Variants in C10orf90 observed in about 807,000 individuals in gnomAD.
C10orf90 encodes (E2-independent) E3 ubiquitin-conjugating enzyme FATS.
Under a neutral mutation model 62.5 loss-of-function variants are expected in C10orf90, and 56 were observed. The ratio of observed to expected loss-of-function variants is 0.90; its 90% confidence interval spans 0.72 to 1.12. The LOEUF (loss-of-function observed/expected upper bound fraction) is 1.12. Ranked by LOEUF, C10orf90 falls within the 50% of genes most tolerant of loss-of-function variation. The probability of loss-of-function intolerance (pLI) is 0.00; values close to 1 mark genes in which losing one functional copy is unlikely to be tolerated. For synonymous variants in C10orf90, 386 were observed against 340.4 expected, an observed-to-expected ratio of 1.13 and a Z score of -1.47; for missense variants, 970 against 880.4, an observed-to-expected ratio of 1.10 and a Z score of -1.29.
intron 3 of C10orf90, among the ~76,000 whole-genome samples, chr10:126,510,387 T>G (rs1863031242): frequency 6.6e-6 from 1 of 152,202 alleles, no homozygotes; most frequent in Non-Finnish European, 1.5e-5. Flanking sequence ...TAATTACATC[T>G]TTTACACCAA....
intron 2 of C10orf90, chr10:126,521,585 T>C: frequency 1.5e-6 from 1 of 674,440 alleles, no homozygotes; most frequent in East Asian, 3.4e-5. Context: ...CAATCGTCTC[T>C]TTGATGTTTA....
chr10:126,487,312 G>A (rs896685187), intron 4 of C10orf90, among the ~76,000 whole-genome samples: 1 of 151,844 alleles, frequency 6.6e-6, no homozygotes, highest in Admixed American at 6.6e-5. Context: ...GATTCACTAA[G>A]GATAACACAT....
chr10:126,622,096 G>C (rs1490160592), intron 2 of C10orf90, among the ~76,000 whole-genome samples: 1 of 152,088 alleles, frequency 6.6e-6, no homozygotes, highest in African/African-American at 2.4e-5. Flanking sequence ...TTTCATAGCA[G>C]CTCCACACAG....
intron 1 of C10orf90, among the ~76,000 whole-genome samples, chr10:126,668,333 C>T (rs1196642900): frequency 6.6e-6 from 1 of 152,122 alleles, no homozygotes; most frequent in Admixed American, 6.6e-5. Flanking sequence ...GTGGTCAAAG[C>T]CCAGGGCAGG....
chr10:126,573,733 T>G (rs1224743276), intron 2 of C10orf90, among the ~76,000 whole-genome samples: 2 of 152,106 alleles, frequency 1.3e-5, no homozygotes, highest in Non-Finnish European at 2.9e-5. Context: ...GCTGAGAGGG[T>G]GCTGTTGTTT....
At chr10:126,577,484 A>G (rs1195278793) in intron 2 of C10orf90, among the ~76,000 whole-genome samples, 4 of 152,006 alleles carry the variant, frequency 2.6e-5, no homozygotes, top group African/African-American at 9.7e-5. Context: ...GCTGTGCAAG[A>G]CCTCTGGACT....
At chr10:126,540,278 C>T (rs1257440955) in intron 2 of C10orf90, among the ~76,000 whole-genome samples, 2 of 152,134 alleles carry the variant, frequency 1.3e-5, no homozygotes, top group East Asian at 1.9e-4. Context: ...TAAAGTCATA[C>T]CTGCCCAAGT....
chr10:126,512,692 G>A (rs1344369273), intron 3 of C10orf90, among the ~76,000 whole-genome samples: 1 of 152,068 alleles, frequency 6.6e-6, no homozygotes. Flanking sequence ...GTGATCCACT[G>A]CTCTTTGCAT....
chr10:126,571,180 G>C (rs1381519667), intron 2 of C10orf90, among the ~76,000 whole-genome samples: 1 of 152,238 alleles, frequency 6.6e-6, no homozygotes, highest in Non-Finnish European at 1.5e-5. Context: ...CCCAGCTCCT[G>C]ACCCACGAGG....
chr10:126,662,134 C>G (rs1003573298), intron 1 of C10orf90, among the ~76,000 whole-genome samples: 6 of 151,764 alleles, frequency 4.0e-5, no homozygotes, highest in African/African-American at 1.5e-4. Flanking sequence ...AGCTAAACCA[C>G]TTGAGGAATG....
chr10:126,669,597 A>G lies in C10orf90; in HGVS notation c.240+644T>C, dbSNP rs917864236. ...TCATGCGTGTTTACTTTCTGAAAAG[A>G]TAACTGCTTGTGGCTGATACTAGTT... On this transcript the variant is annotated intron_variant, in intron 1 of 9. Transcript: ENST00000488181. Among the ~76,000 whole-genome samples, 8 of 152,242 alleles carry G rather than the reference A, an allele frequency of 5.3e-5. No individual in the cohort carries two copies. The East Asian group carries it at 1.2e-3, about 22-fold the overall frequency.
chr10:126,514,048 C>A, intron 2 of C10orf90, 109 bp from the exon 3 acceptor site: 1 of 752,196 alleles, frequency 1.3e-6, no homozygotes, highest in South Asian at 1.7e-5. Flanking sequence ...TTCTATCAGC[C>A]AACAGTAAAT....
intron 2 of C10orf90, among the ~76,000 whole-genome samples, chr10:126,565,164 T>G (rs1322982879): frequency 1.4e-5 from 1 of 70,330 alleles, no homozygotes; most frequent in African/African-American, 5.5e-5. Context: ...ATATAATATT[T>G]ATATTACATA....
intron 2 of C10orf90, among the ~76,000 whole-genome samples, chr10:126,576,513 G>A (rs913500379): frequency 6.6e-6 from 1 of 151,560 alleles, no homozygotes; most frequent in South Asian, 2.1e-4. Context: ...CAATATGGAG[G>A]TTCCTCAGAA....
At chr10:126,526,041 C>T (rs1863933115) in intron 2 of C10orf90, among the ~76,000 whole-genome samples, 1 of 151,348 alleles carries the variant, frequency 6.6e-6, no homozygotes, top group South Asian at 2.1e-4. Flanking sequence ...CACACACACA[C>T]ACACACACAC....
chr10:126,565,093 T>A (rs1414339265), intron 2 of C10orf90, among the ~76,000 whole-genome samples: 1 of 11,700 alleles, frequency 8.5e-5, no homozygotes, highest in Non-Finnish European at 1.8e-4. Context: ...AAATATATAT[T>A]ATATAATATA....
chr10:126,668,877 A>G (rs1047624406), intron 1 of C10orf90, among the ~76,000 whole-genome samples: 8 of 152,220 alleles, frequency 5.3e-5, no homozygotes, highest in African/African-American at 1.7e-4. Context: ...GTAACCTCCT[A>G]AAAAGGTGTA....
At chr10:126,576,583 G>C (rs1055585037) in intron 2 of C10orf90, among the ~76,000 whole-genome samples, 2 of 151,212 alleles carry the variant, frequency 1.3e-5, no homozygotes, top group Non-Finnish European at 3.0e-5. Context: ...TTATCCAAAG[G>C]AAAGGAAAAC....
At chr10:126,616,227 C>T (rs78040100) in intron 2 of C10orf90, among the ~76,000 whole-genome samples, 1,969 of 152,272 alleles carry the variant, frequency 0.013, 36 homozygotes, top group African/African-American at 0.043. Context: ...CCATCTGCCT[C>T]GTATTTATTG....
Sources: allele counts gnomAD v4.1 joint callset (sites outside exome capture counted in the v4.1 genomes callset), GRCh38; gene constraint gnomAD v4.1.1; transcripts MANE v1.5; gene names NCBI Gene and HGNC (gene_info 2026-07-23, HGNC 2026-07-21).